Variants in NIBAN1 observed in about 807,000 individuals in gnomAD.
The protein encoded by NIBAN1 is niban apoptosis regulator 1.
A neutral mutation model predicts 75.1 loss-of-function variants in NIBAN1; 81 were observed. The observed-to-expected ratio is 1.08, with a 90% CI of 0.90 to 1.30. The LOEUF is 1.30. NIBAN1 is among the 50% of genes most tolerant of loss of function. The pLI is 0.00. For missense variants in NIBAN1, 1,133 were observed against 1,128.1 expected (o/e 1.00, Z -0.06); for synonymous variants, 436 against 424.8 (o/e 1.03, Z -0.32).
chr1:184,917,969 C>G (rs1463926309), intron 1 of NIBAN1, among the ~76,000 whole-genome samples: 1 of 152,160 alleles, frequency 6.6e-6, no homozygotes, highest in East Asian at 1.9e-4. Flanking sequence ...AAACGCAACC[C>G]CACTGAACTG....
At chr1:184,972,437 C>T (rs1658963319) in intron 1 of NIBAN1, among the ~76,000 whole-genome samples, 3 of 152,196 alleles carry the variant, frequency 2.0e-5, no homozygotes, top group Admixed American at 2.0e-4. Context: ...TGTACAACAC[C>T]ATGCATTTTT....
At chr1:184,808,592 C>T (rs1025293776) in intron 9 of NIBAN1, among the ~76,000 whole-genome samples, 4 of 152,136 alleles carry the variant, frequency 2.6e-5, no homozygotes, top group Admixed American at 1.3e-4. Flanking sequence ...CTGCTGGGCC[C>T]CCAGGCTTCC....
chr1:184,792,438 G>A lies in NIBAN1; in HGVS notation c.*2539C>T, dbSNP rs1294725345. The A allele has an allele frequency of 6.5e-6, 1 of 152,710 alleles. No homozygotes were observed. The highest frequency in any genetic ancestry group is 1.9e-4 in the East Asian group (1 of 5,196). The allele number at this position is 152,710 out of a possible 1,614,324, so 9.5% of individuals were successfully genotyped here. On this transcript the variant is annotated 3_prime_UTR_variant, in exon 14 of 14. Coordinates refer to ENST00000367511, the MANE Select transcript of NIBAN1 (RefSeq NM_052966.4). The stretch of plus-strand genomic sequence containing the variant: ...TCTCTTAGCTTTCCAGGGGGTGCAA[G>A]AAGCCCTGCATTGAGCAAAGAAAGG...
In NIBAN1 at chr1:184,795,264, C is replaced by T. The variant is rs780329339; in HGVS notation, c.2500G>A (p.Glu834Lys). Reference protein sequence around the residue: ...AHEGRGGKCTEEGDASQQEGC... With the variant: ...AHEGRGGKCTKEGDASQQEGC... ...TCTTGCTGTGAGGCATCCCCTTCCT[C>T]GGTACACTTGCCCCCTCTTCCTTCA... The change falls in exon 14 of 14, where the codon GAG (glutamate) becomes AAG (lysine). Residue 834 changes from glutamate (E) to lysine (K), a missense_variant. By Grantham distance (56) the Glu-to-Lys change is moderately conservative. Coordinates refer to ENST00000367511, the MANE Select transcript of NIBAN1 (RefSeq NM_052966.4). 19 of 1,613,092 alleles carry T rather than the reference C, an allele frequency of 1.2e-5. No homozygotes were observed. Among genetic ancestry groups the T allele is most frequent in the South Asian group, 7.7e-5 (7 of 91,092 alleles).
At chr1:184,925,708 T>C (rs1202686095) in intron 1 of NIBAN1, among the ~76,000 whole-genome samples, 2 of 152,192 alleles carry the variant, frequency 1.3e-5, no homozygotes, top group Admixed American at 6.5e-5. Context: ...AAAAACTCTA[T>C]ACATTAACTT....
chr1:184,869,931 C>A (rs746982768), intron 5 of NIBAN1, among the ~76,000 whole-genome samples: 9 of 152,218 alleles, frequency 5.9e-5, no homozygotes, highest in Non-Finnish European at 1.0e-4. Flanking sequence ...ACCAGTAATA[C>A]AATTTGAGAA....
chr1:184,898,186 C>T (rs570908968), intron 2 of NIBAN1, among the ~76,000 whole-genome samples: 48 of 152,322 alleles, frequency 3.2e-4, no homozygotes, highest in African/African-American at 1.1e-3. Context: ...CTCTGTGTGG[C>T]AGGGTCTTCA....
At chr1:184,825,465 C>A (rs118118776) in intron 6 of NIBAN1, among the ~76,000 whole-genome samples, 4 of 151,850 alleles carry the variant, frequency 2.6e-5, no homozygotes, top group Admixed American at 6.6e-5. Context: ...TATTTTGGAA[C>A]AAACAAATAT....
intron 5 of NIBAN1, among the ~76,000 whole-genome samples, chr1:184,870,147 C>G (rs1405699540): frequency 6.6e-6 from 1 of 152,116 alleles, no homozygotes; most frequent in East Asian, 1.9e-4. Flanking sequence ...GATTCCACAC[C>G]AAGTCATTCA....
intron 1 of NIBAN1, among the ~76,000 whole-genome samples, chr1:184,945,695 A>G (rs1658203780): frequency 6.6e-6 from 1 of 152,098 alleles, no homozygotes; most frequent in African/African-American, 2.4e-5. Context: ...TAATTGTCCC[A>G]CTCCATTCCA....
chr1:184,827,290 C>T (rs1281655777), intron 6 of NIBAN1, among the ~76,000 whole-genome samples: 1 of 152,024 alleles, frequency 6.6e-6, no homozygotes, highest in African/African-American at 2.4e-5. Context: ...TGCTGAAGCT[C>T]AAGTGCATCG....
chr1:184,969,622 C>A (rs1658882753), intron 1 of NIBAN1, among the ~76,000 whole-genome samples: 1 of 152,072 alleles, frequency 6.6e-6, no homozygotes, highest in East Asian at 1.9e-4. Context: ...GACCAATCAG[C>A]AGCCACCTTT....
chr1:184,832,215 C>T (rs745719720), intron 5 of NIBAN1, among the ~76,000 whole-genome samples: 4 of 152,148 alleles, frequency 2.6e-5, no homozygotes, highest in Admixed American at 6.5e-5. Context: ...GAAGGAGGCC[C>T]GTCTCCTTTA....
At chr1:184,836,294 C>A (rs888018309) in intron 5 of NIBAN1, among the ~76,000 whole-genome samples, 2 of 152,086 alleles carry the variant, frequency 1.3e-5, no homozygotes, top group Non-Finnish European at 2.9e-5. Context: ...CATTTTCAAC[C>A]TAAGAAAACA....
intron 5 of NIBAN1, among the ~76,000 whole-genome samples, chr1:184,836,607 C>T (rs554677866): frequency 2.9e-4 from 44 of 152,086 alleles, no homozygotes; most frequent in Non-Finnish European, 5.4e-4. Flanking sequence ...AAAGAAGGAA[C>T]CAGAAGGAGA....
intron 1 of NIBAN1, among the ~76,000 whole-genome samples, chr1:184,953,022 G>A (rs1048878756): frequency 6.6e-6 from 1 of 152,192 alleles, no homozygotes; most frequent in South Asian, 2.1e-4. Flanking sequence ...TTGAAGAAAA[G>A]TATTTTATTT....
At chr1:184,964,409 C>G (rs1658726542) in intron 1 of NIBAN1, among the ~76,000 whole-genome samples, 1 of 152,218 alleles carries the variant, frequency 6.6e-6, no homozygotes, top group Admixed American at 6.5e-5. Context: ...GGAGCAATGA[C>G]TGTGACCATC....
At chr1:184,823,443 A>G (rs935747007) in intron 7 of NIBAN1, 114 bp from the exon 8 acceptor site, 3 of 1,383,142 alleles carry the variant, frequency 2.2e-6, no homozygotes, top group African/African-American at 2.9e-5. Flanking sequence ...AACTGCACAC[A>G]CATTGTAATT....
chr1:184,913,070 G>A (rs188888072), intron 1 of NIBAN1, among the ~76,000 whole-genome samples: 1 of 150,192 alleles, frequency 6.7e-6, no homozygotes, highest in Admixed American at 6.6e-5. Flanking sequence ...TACTTGGGCA[G>A]TTTCCTTTGT....
Sources: gnomAD v4.1 joint callset for allele counts (sites outside exome capture counted in the v4.1 genomes callset) on GRCh38, gnomAD v4.1.1 for gene constraint, MANE v1.5 for transcripts, NCBI Gene and HGNC (gene_info 2026-07-23, HGNC 2026-07-21) for gene names.